Variants in RABGAP1L observed in about 807,000 individuals in gnomAD.
RABGAP1L encodes the protein rab GTPase-activating protein 1-like.
RABGAP1L carries 63 observed loss-of-function variants against 137.7 expected under a neutral mutation model. That is an observed-to-expected ratio of 0.46 (90% confidence interval 0.37 to 0.56). The LOEUF (loss-of-function observed/expected upper bound fraction) is 0.56. RABGAP1L is among the 20% of genes least tolerant of loss of function. The pLI is 0.00. For synonymous variants in RABGAP1L, 431 were observed against 433.7 expected (o/e 0.99, Z 0.08); for missense variants, 1,095 against 1,244.0 (o/e 0.88, Z 1.80).
At chr1:174,478,000 T>A (rs1025395954) in intron 13 of RABGAP1L, among the ~76,000 whole-genome samples, 1 of 152,160 alleles carries the variant, frequency 6.6e-6, no homozygotes, top group Admixed American at 6.6e-5. Context: ...ATAAGTTTTA[T>A]AATTACTTTA....
At chr1:174,542,268 A>G (rs1665531730) in intron 13 of RABGAP1L, among the ~76,000 whole-genome samples, 1 of 152,214 alleles carries the variant, frequency 6.6e-6, no homozygotes, top group South Asian at 2.1e-4. Flanking sequence ...CCTCAATTTC[A>G]GAGCCTTTTA....
At chr1:174,804,357 G>A (rs997938181) in intron 18 of RABGAP1L, among the ~76,000 whole-genome samples, 10 of 147,296 alleles carry the variant, frequency 6.8e-5, no homozygotes, top group Non-Finnish European at 1.2e-4. Context: ...TGCAACCTCC[G>A]CCTCCCAGGC....
intron 13 of RABGAP1L, among the ~76,000 whole-genome samples, chr1:174,476,832 G>A (rs1489652402): frequency 2.0e-5 from 3 of 152,226 alleles, no homozygotes; most frequent in Admixed American, 1.3e-4. Context: ...TAGGGCAAGA[G>A]ATGTGCAGAA....
At chr1:174,803,917 A>G (rs1332725141) in intron 18 of RABGAP1L, among the ~76,000 whole-genome samples, 2 of 152,106 alleles carry the variant, frequency 1.3e-5, no homozygotes, top group African/African-American at 4.8e-5. Flanking sequence ...TCCTAAAAAT[A>G]CAAAAATTAG....
intron 18 of RABGAP1L, among the ~76,000 whole-genome samples, chr1:174,768,867 C>T (rs1360952743): frequency 6.6e-6 from 1 of 152,182 alleles, no homozygotes; most frequent in African/African-American, 2.4e-5. Context: ...GCAAGAATCT[C>T]GAGTTGCTGC....
intron 17 of RABGAP1L, among the ~76,000 whole-genome samples, chr1:174,735,007 G>A (rs1192738884): frequency 6.9e-6 from 1 of 144,086 alleles, no homozygotes; most frequent in Non-Finnish European, 1.5e-5. Context: ...TTGTTGCCCA[G>A]GCTGGAGTAC....
intron 19 of RABGAP1L, among the ~76,000 whole-genome samples, chr1:174,838,835 G>A (rs1049478937): frequency 1.4e-5 from 2 of 143,262 alleles, no homozygotes; most frequent in African/African-American, 5.0e-5. Flanking sequence ...GGAGAATGGC[G>A]TGAACCCGGG....
chr1:174,949,063 G>A (rs534017264), intron 19 of RABGAP1L, among the ~76,000 whole-genome samples: 3 of 152,172 alleles, frequency 2.0e-5, no homozygotes, highest in South Asian at 4.1e-4. Flanking sequence ...TTTGCTTTCT[G>A]TACCTATTTG....
At chr1:174,833,449 G>GAGATATATATATATATATAT (rs1553259972) in intron 19 of RABGAP1L, among the ~76,000 whole-genome samples, 9 of 27,826 alleles carry the variant, frequency 3.2e-4, no homozygotes, top group Non-Finnish European at 9.9e-4. Flanking sequence ...TGTGTGTAGA[G>GAGATATATATATATATATAT]ATATATATAT....
At chr1:174,900,116 A>G (rs1657896371) in intron 19 of RABGAP1L, among the ~76,000 whole-genome samples, 1 of 152,242 alleles carries the variant, frequency 6.6e-6, no homozygotes. Flanking sequence ...CTGAATGCCC[A>G]TAGGTATTCT....
intron 13 of RABGAP1L, among the ~76,000 whole-genome samples, chr1:174,612,088 CTA>C (rs994258617): frequency 2.5e-4 from 38 of 152,274 alleles, no homozygotes; most frequent in South Asian, 8.3e-4. Context: ...ACTTCTAACA[CTA>C]TGTTGAATAG....
intron 11 of RABGAP1L, among the ~76,000 whole-genome samples, chr1:174,333,936 G>A (rs1168651651): frequency 6.6e-6 from 1 of 152,148 alleles, no homozygotes; most frequent in African/African-American, 2.4e-5. Flanking sequence ...GATTGGCCAG[G>A]ATTTTAACAT....
chr1:174,519,060 T>C (rs1663120055), intron 13 of RABGAP1L, among the ~76,000 whole-genome samples: 2 of 151,574 alleles, frequency 1.3e-5, no homozygotes, highest in South Asian at 4.1e-4. Flanking sequence ...TTAGGCAGGG[T>C]TCCCTAGAAA....
chr1:174,381,613 C>T (rs1440460646), intron 12 of RABGAP1L, among the ~76,000 whole-genome samples: 1 of 89,592 alleles, frequency 1.1e-5, no homozygotes, highest in African/African-American at 9.1e-5. Context: ...GATTGCAACC[C>T]CTGCCTTTTT....
intron 18 of RABGAP1L, among the ~76,000 whole-genome samples, chr1:174,777,500 G>A (rs1300226005): frequency 6.6e-6 from 1 of 152,174 alleles, no homozygotes; most frequent in Non-Finnish European, 1.5e-5. Flanking sequence ...ATCACCCCTG[G>A]TTGAGCATCA....
At position 174,599,732 on chromosome 1, in the gene RABGAP1L, C is replaced by T. The variant is rs186461045; in HGVS notation, c.1711-37643C>T. On this transcript the variant is annotated intron_variant, in intron 13 of 25. Coordinates refer to ENST00000681986, the MANE Select transcript of RABGAP1L (RefSeq NM_001366446.1). The stretch of plus-strand genomic sequence containing the variant: ...CCATTGTATGTTATTTGTTTCTTTT[C>T]TTTTGTTGCTTTTAGGATTGTTTCT... 5.6e-3 allele frequency among the ~76,000 whole-genome samples: 853 copies of T among 152,026 alleles called. 9 individuals are homozygous for T. The highest frequency in any genetic ancestry group is 0.019 in the African/African-American group (804 of 41,482).
intron 13 of RABGAP1L, among the ~76,000 whole-genome samples, chr1:174,568,855 G>C (rs1667759828): frequency 6.6e-6 from 1 of 152,058 alleles, no homozygotes; most frequent in Non-Finnish European, 1.5e-5. Flanking sequence ...TAAACAAAAG[G>C]GAACAAAATT....
chr1:174,895,646 A>G (rs145272029), intron 19 of RABGAP1L, among the ~76,000 whole-genome samples: 3,157 of 151,420 alleles, frequency 0.021, 50 homozygotes, highest in Middle Eastern at 0.078. Flanking sequence ...CCTGGGTCCA[A>G]GTGTTCTCAT....
intron 10 of RABGAP1L, among the ~76,000 whole-genome samples, 156 bp downstream of exon 10, chr1:174,278,935 G>C (rs545674568): frequency 6.6e-6 from 1 of 152,106 alleles, no homozygotes; most frequent in African/African-American, 2.4e-5. Flanking sequence ...GTTTGAAAAA[G>C]TCACATCTAG....
Sources: allele counts gnomAD v4.1 joint callset (sites outside exome capture counted in the v4.1 genomes callset), GRCh38; gene constraint gnomAD v4.1.1; transcripts MANE v1.5; gene names NCBI Gene and HGNC (gene_info 2026-07-23, HGNC 2026-07-21).